The following MICU2 variants were observed in gnomAD, a reference collection of about 807,000 sequenced individuals.
The protein encoded by MICU2 is mitochondrial calcium uptake 2.
MICU2 carries 64 observed loss-of-function variants against 60.4 expected under a neutral mutation model. The ratio of observed to expected loss-of-function variants is 1.06; its 90% CI spans 0.87 to 1.31. The LOEUF (loss-of-function observed/expected upper bound fraction) is 1.31. MICU2 is among the 50% of genes most tolerant of loss of function. The pLI is 0.00. For synonymous variants in MICU2, 201 were observed against 175.0 expected (o/e 1.15, Z -1.17); for missense variants, 569 against 531.0 (o/e 1.07, Z -0.70).
At chr13:21,533,449 G>A (rs1435671308) in intron 4 of MICU2, among the ~76,000 whole-genome samples, 1 of 147,514 alleles carries the variant, frequency 6.8e-6, no homozygotes, top group African/African-American at 2.5e-5. Flanking sequence ...TCAGCCTCCC[G>A]AGTAGCTGGG....
chr13:21,545,549 C>T (rs7338246), intron 2 of MICU2, among the ~76,000 whole-genome samples: 20,787 of 151,826 alleles, frequency 0.14, 1,568 homozygotes, highest in African/African-American at 0.19. Flanking sequence ...GGTGTGGTGG[C>T]GGGCGCCTGT....
chr13:21,506,882 CCAG>C (rs1430454107), intron 8 of MICU2, among the ~76,000 whole-genome samples: 2 of 152,172 alleles, frequency 1.3e-5, no homozygotes, highest in Non-Finnish European at 2.9e-5. Context: ...CATTATACTC[CCAG>C]AAACACAAAA....
chr13:21,584,181 A>T (rs1274979879), intron 1 of MICU2, among the ~76,000 whole-genome samples: 1 of 152,008 alleles, frequency 6.6e-6, no homozygotes, highest in Non-Finnish European at 1.5e-5. Context: ...TGAGGTCAGG[A>T]GATCGAGACC....
intron 4 of MICU2, among the ~76,000 whole-genome samples, chr13:21,535,697 A>G (rs1887114115): frequency 6.6e-6 from 1 of 152,232 alleles, no homozygotes; most frequent in Non-Finnish European, 1.5e-5. Flanking sequence ...TGTACCAGAC[A>G]CACAGCAAGA....
intron 1 of MICU2, among the ~76,000 whole-genome samples, chr13:21,599,424 C>CA (rs1888766704): frequency 6.6e-6 from 1 of 152,198 alleles, no homozygotes; most frequent in South Asian, 2.1e-4. Flanking sequence ...ATGTCTGAAT[C>CA]AAATATAACA....
chr13:21,530,239 C>T (rs2181751), intron 4 of MICU2, among the ~76,000 whole-genome samples: 102,312 of 152,096 alleles, frequency 0.67, 35,010 homozygotes, highest in Non-Finnish European at 0.71. Context: ...ATCTTTGACT[C>T]TGTAATGAAT....
chr13:21,596,734 G>A lies in MICU2; in HGVS notation c.210+7205C>T, dbSNP rs142763524. Among the ~76,000 whole-genome samples, 1,161 of 152,030 alleles carry A rather than the reference G, an allele frequency of 7.6e-3. 20 individuals are homozygous for A. The highest frequency in any genetic ancestry group is 0.027 in the African/African-American group (1,102 of 41,458). On this transcript the variant is annotated intron_variant, in intron 1 of 11. Coordinates refer to ENST00000382374, the MANE Select transcript of MICU2 (RefSeq NM_152726.3). ...CCACTATGCCCGGCCTCACATTCAG[G>A]TTCTCATAGGGCTTACTCTCTACCT...
chr13:21,496,270 G>T, intron 9 of MICU2, 110 bp from the exon 10 acceptor site: 2 of 784,530 alleles, frequency 2.5e-6, no homozygotes. Flanking sequence ...ATTCTAAGAG[G>T]AAGAGACAAC....
chr13:21,533,664 T>G (rs17067538), intron 4 of MICU2, among the ~76,000 whole-genome samples: 8,332 of 152,216 alleles, frequency 0.055, 339 homozygotes, highest in South Asian at 0.093. Context: ...TGTTTAATAC[T>G]GCCAGAATCA....
intron 7 of MICU2, among the ~76,000 whole-genome samples, chr13:21,512,057 C>T (rs1333241206): frequency 6.6e-6 from 1 of 152,178 alleles, no homozygotes; most frequent in African/African-American, 2.4e-5. Flanking sequence ...CACTATTTTC[C>T]AGAGTGGTGG....
intron 1 of MICU2, among the ~76,000 whole-genome samples, chr13:21,600,898 G>A (rs1048975007): frequency 6.6e-6 from 1 of 152,112 alleles, no homozygotes; most frequent in African/African-American, 2.4e-5. Context: ...CCAGATTCAC[G>A]CCATTCTCCT....
At chr13:21,537,081 G>A (rs965278249) in intron 4 of MICU2, among the ~76,000 whole-genome samples, 1 of 152,142 alleles carries the variant, frequency 6.6e-6, no homozygotes, top group African/African-American at 2.4e-5. Context: ...TATTCCTGGA[G>A]TTTATCATGA....
chr13:21,546,295 CTTTT>C (rs33921647), intron 2 of MICU2, among the ~76,000 whole-genome samples: 8 of 131,366 alleles, frequency 6.1e-5, no homozygotes, highest in Admixed American at 1.5e-4. Flanking sequence ...GATAAAAAGA[CTTTT>C]TTTTTTTTTT....
At chr13:21,546,829 T>C (rs1430351832) in intron 2 of MICU2, among the ~76,000 whole-genome samples, 4 of 152,216 alleles carry the variant, frequency 2.6e-5, no homozygotes, top group South Asian at 2.1e-4. Context: ...GATTTTTATA[T>C]AGTGCTGCTC....
At position 21,540,959 on chromosome 13, in the gene MICU2, A is replaced by G. The variant is rs1291061965; in HGVS notation, c.359-1271T>C. ...GTCAATTAACTTAAAAAAGAAACTG[A>G]TCATTATTTCTATGCTTGTCCTAAA... is the stretch of plus-strand genomic sequence containing the variant. On this transcript the variant is annotated intron_variant, in intron 2 of 11. Coordinates refer to ENST00000382374, the MANE Select transcript of MICU2 (RefSeq NM_152726.3). Among the ~76,000 whole-genome samples, 3 of 152,184 alleles carry G rather than the reference A, an allele frequency of 2.0e-5. 1 individual carries two copies. The highest frequency in any genetic ancestry group is 2.9e-5 in the Non-Finnish European group (2 of 67,988).
At chr13:21,533,332 T>C (rs568867946) in intron 4 of MICU2, among the ~76,000 whole-genome samples, 39 of 151,498 alleles carry the variant, frequency 2.6e-4, no homozygotes, top group African/African-American at 8.7e-4. Context: ...CAATTTTTTT[T>C]TTTTTTTTTG....
chr13:21,564,961 G>C (rs1396783619), intron 2 of MICU2, among the ~76,000 whole-genome samples: 1 of 152,130 alleles, frequency 6.6e-6, no homozygotes, highest in Non-Finnish European at 1.5e-5. Flanking sequence ...GCTGGCTCCA[G>C]TGGTGGGTTC....
At chr13:21,505,395 C>T (rs1271715849) in intron 8 of MICU2, among the ~76,000 whole-genome samples, 1 of 152,120 alleles carries the variant, frequency 6.6e-6, no homozygotes, top group African/African-American at 2.4e-5. Context: ...AGAGTCAATG[C>T]TTTCCCCCAG....
At chr13:21,599,046 T>C (rs1314111565) in intron 1 of MICU2, among the ~76,000 whole-genome samples, 4 of 152,146 alleles carry the variant, frequency 2.6e-5, no homozygotes, top group Non-Finnish European at 2.9e-5. Context: ...AAACCTACTG[T>C]GAACTGTACT....
Sources: gnomAD v4.1 joint callset for allele counts (sites outside exome capture counted in the v4.1 genomes callset) on GRCh38, gnomAD v4.1.1 for gene constraint, MANE v1.5 for transcripts, NCBI Gene and HGNC (gene_info 2026-07-23, HGNC 2026-07-21) for gene names.